ELOVL7: variants seen among roughly 807,000 people sequenced by gnomAD.
ELOVL7 encodes very long chain fatty acid elongase 7.
In ELOVL7, 27 loss-of-function variants were observed where a neutral mutation model predicts 35.7. The ratio of observed to expected loss-of-function variants is 0.76; its 90% CI spans 0.56 to 1.04. ELOVL7 has a LOEUF of 1.04. ELOVL7 is among the 50% of genes least tolerant of loss of function. ELOVL7 has a pLI of 0.00. For synonymous variants in ELOVL7, 113 were observed against 114.6 expected (o/e 0.99, Z 0.09); for missense variants, 327 against 340.8 (o/e 0.96, Z 0.32).
chr5:60,765,961 C>T (rs1057068083), intron 6 of ELOVL7, among the ~76,000 whole-genome samples: 1 of 152,134 alleles, frequency 6.6e-6, no homozygotes, highest in Non-Finnish European at 1.5e-5. Flanking sequence ...TGGCTTTCTC[C>T]TCTAAATCAC....
chr5:60,781,643 T>C (rs1450494806), intron 3 of ELOVL7, among the ~76,000 whole-genome samples: 1 of 152,244 alleles, frequency 6.6e-6, no homozygotes, highest in Non-Finnish European at 1.5e-5. Context: ...TTTCAAGTTC[T>C]ACAGATAAAA....
chr5:60,771,766 G>C (rs1273110441), intron 4 of ELOVL7, 137 bp downstream of exon 4: 1 of 598,430 alleles, frequency 1.7e-6, no homozygotes, highest in African/African-American at 1.8e-5. Context: ...CACTATTTTG[G>C]CAAATACCTG....
intron 4 of ELOVL7, 43 bp downstream of exon 4, chr5:60,771,860 A>T (rs1016346093): frequency 3.6e-6 from 5 of 1,406,566 alleles, no homozygotes; most frequent in Non-Finnish European, 2.9e-6. Context: ...AAACAGAAAA[A>T]CTCAGGCAAA....
chr5:60,764,285 A>G lies in ELOVL7; in HGVS notation c.441T>C (p.His147=). 1.2e-6 allele frequency: 2 copies of G among 1,613,888 alleles called. No individual in the cohort carries two copies. The highest frequency in any genetic ancestry group is 1.7e-6 in the Non-Finnish European group (2 of 1,179,844). ...RKKNSQVTFL[H]VFHHTIMPWT... ...ACGGCATGATGGTATGATGGAATAC[A>G]TGAAGGAAAGTCACTTGGCTATTTT... Residue 147 remains histidine, a synonymous_variant, in exon 7 of 9, where the codon CAT becomes CAC. Coordinates refer to ENST00000508821, the MANE Select transcript of ELOVL7 (RefSeq NM_024930.3).
chr5:60,822,689 T>G (rs1745955626), intron 1 of ELOVL7, among the ~76,000 whole-genome samples: 1 of 152,018 alleles, frequency 6.6e-6, no homozygotes, highest in South Asian at 2.1e-4. Flanking sequence ...ACAATAGTGG[T>G]CTAAAGACAA....
chr5:60,772,172 G>T, intron 3 of ELOVL7, 79 bp from the exon 4 acceptor site: 1 of 858,940 alleles, frequency 1.2e-6, no homozygotes, highest in South Asian at 1.8e-5. Context: ...CTTTAACTGA[G>T]CACCCAGATC....
intron 1 of ELOVL7, among the ~76,000 whole-genome samples, chr5:60,840,086 G>GA (rs778297435): frequency 3.3e-5 from 5 of 152,066 alleles, no homozygotes; most frequent in African/African-American, 7.2e-5. Flanking sequence ...TCAAAAATTA[G>GA]AAAAAATCCT....
chr5:60,805,025 A>C (rs1307081903), intron 1 of ELOVL7, among the ~76,000 whole-genome samples: 1 of 152,194 alleles, frequency 6.6e-6, no homozygotes, highest in African/African-American at 2.4e-5. Flanking sequence ...AGACTGCAAA[A>C]GTCTTTAGGA....
At chr5:60,835,418 G>T (rs926417150) in intron 1 of ELOVL7, among the ~76,000 whole-genome samples, 1 of 151,646 alleles carries the variant, frequency 6.6e-6, no homozygotes, top group Non-Finnish European at 1.5e-5. Flanking sequence ...TTTTATTTTT[G>T]AATTTTTTTT....
intron 3 of ELOVL7, among the ~76,000 whole-genome samples, chr5:60,774,111 A>C: frequency 6.6e-6 from 1 of 152,188 alleles, no homozygotes; most frequent in Non-Finnish European, 1.5e-5. Flanking sequence ...TGAGGAGGAG[A>C]GATTCCTCCC....
chr5:60,788,557 C>G (rs944047915), intron 2 of ELOVL7, among the ~76,000 whole-genome samples: 1 of 152,150 alleles, frequency 6.6e-6, no homozygotes, highest in African/African-American at 2.4e-5. Context: ...GGCAGATCAC[C>G]TGAGGTCAGG....
intron 2 of ELOVL7, among the ~76,000 whole-genome samples, chr5:60,794,361 A>G (rs1427865967): frequency 2.0e-5 from 3 of 152,238 alleles, no homozygotes; most frequent in Non-Finnish European, 4.4e-5. Flanking sequence ...CATGATGTAG[A>G]CCTAATACCA....
intron 1 of ELOVL7, among the ~76,000 whole-genome samples, chr5:60,813,399 T>A (rs1389372234): frequency 6.6e-6 from 1 of 152,144 alleles, no homozygotes; most frequent in Non-Finnish European, 1.5e-5. Context: ...TTAGGGTTAA[T>A]CTTATTAAGA....
chr5:60,790,492 A>G (rs982639702), intron 2 of ELOVL7, among the ~76,000 whole-genome samples: 1 of 152,186 alleles, frequency 6.6e-6, no homozygotes, highest in Non-Finnish European at 1.5e-5. Flanking sequence ...TTAAGAGTTC[A>G]TCCCCTCCAG....
chr5:60,825,415 C>T (rs959685798), intron 1 of ELOVL7, among the ~76,000 whole-genome samples: 5 of 152,168 alleles, frequency 3.3e-5, no homozygotes, highest in Non-Finnish European at 7.3e-5. Flanking sequence ...CTGCATCGTA[C>T]TTTTCAGTGT....
chr5:60,767,675 C>G, intron 5 of ELOVL7, 148 bp downstream of exon 5: 1 of 450,050 alleles, frequency 2.2e-6, no homozygotes, highest in Non-Finnish European at 4.1e-6. Context: ...TTTTTTTATT[C>G]TTGTAATTGT....
intron 1 of ELOVL7, among the ~76,000 whole-genome samples, chr5:60,837,351 G>A (rs1436657232): frequency 6.8e-6 from 1 of 146,536 alleles, no homozygotes; most frequent in Admixed American, 6.9e-5. Context: ...GCGCTTGTCA[G>A]GAGGCTGAAC....
intron 7 of ELOVL7, among the ~76,000 whole-genome samples, chr5:60,758,344 G>C (rs1407512976): frequency 6.6e-6 from 1 of 152,114 alleles, no homozygotes; most frequent in Non-Finnish European, 1.5e-5. Context: ...TCCAATTTGG[G>C]CTATTCTGAA....
intron 2 of ELOVL7, among the ~76,000 whole-genome samples, chr5:60,788,737 C>T (rs1743747856): frequency 6.6e-6 from 1 of 152,084 alleles, no homozygotes; most frequent in Non-Finnish European, 1.5e-5. Flanking sequence ...TGTGCCACTG[C>T]ACTCCAGCCT....
Sources: gnomAD v4.1 joint callset for allele counts (sites outside exome capture counted in the v4.1 genomes callset) on GRCh38, gnomAD v4.1.1 for gene constraint, MANE v1.5 for transcripts, NCBI Gene and HGNC (gene_info 2026-07-23, HGNC 2026-07-21) for gene names.